COX7B2: variants seen among roughly 807,000 people sequenced by gnomAD.
The protein encoded by COX7B2 is cytochrome c oxidase subunit 7B2, mitochondrial.
For synonymous variants in COX7B2, 37 were observed against 32.1 expected (o/e 1.15, Z -0.51); for missense variants, 109 against 95.9 (o/e 1.14, Z -0.57).
chr4:46,779,359 T>C (rs1426088318), intron 2 of COX7B2, among the ~76,000 whole-genome samples: 1 of 152,196 alleles, frequency 6.6e-6, no homozygotes, highest in Admixed American at 6.5e-5. Flanking sequence ...GATTTCCTTT[T>C]TCTAAGGTTG....
At chr4:46,791,722 G>T (rs1560383334) in intron 2 of COX7B2, among the ~76,000 whole-genome samples, 1 of 152,142 alleles carries the variant, frequency 6.6e-6, no homozygotes, top group African/African-American at 2.4e-5. Flanking sequence ...AACAAGTTTT[G>T]AAGTTCCTCT....
At chr4:46,854,697 G>A (rs575364945) in intron 1 of COX7B2, among the ~76,000 whole-genome samples, 1 of 152,162 alleles carries the variant, frequency 6.6e-6, no homozygotes, top group African/African-American at 2.4e-5. Context: ...GTTTATTACA[G>A]AATATTTATA....
intron 1 of COX7B2, among the ~76,000 whole-genome samples, chr4:46,866,973 A>G (rs191214931): frequency 8.5e-5 from 13 of 152,294 alleles, no homozygotes; most frequent in Admixed American, 7.8e-4. Flanking sequence ...AAAGTGCCCT[A>G]TCAAATCTCA....
chr4:46,763,980 C>A (rs1402523954), intron 2 of COX7B2, among the ~76,000 whole-genome samples: 1 of 152,100 alleles, frequency 6.6e-6, no homozygotes, highest in African/African-American at 2.4e-5. Context: ...AATGTTAGGG[C>A]AGTCAGGAAG....
chr4:46,907,146 A>G (rs1208012620), intron 1 of COX7B2, among the ~76,000 whole-genome samples: 1 of 152,096 alleles, frequency 6.6e-6, no homozygotes, highest in African/African-American at 2.4e-5. Context: ...CCTTATCTCA[A>G]TCAAGTAACA....
At chr4:46,787,367 A>C (rs1258743943) in intron 2 of COX7B2, among the ~76,000 whole-genome samples, 1 of 152,078 alleles carries the variant, frequency 6.6e-6, no homozygotes, top group African/African-American at 2.4e-5. Flanking sequence ...GAAACGCTTG[A>C]ACCCGGGAGG....
intron 2 of COX7B2, among the ~76,000 whole-genome samples, chr4:46,750,575 A>C (rs1265338114): frequency 6.6e-6 from 1 of 152,188 alleles, no homozygotes; most frequent in Non-Finnish European, 1.5e-5. Context: ...TCAGGACAGA[A>C]TACCACTCAA....
intron 1 of COX7B2, among the ~76,000 whole-genome samples, chr4:46,880,013 G>A (rs956115617): frequency 2.0e-5 from 3 of 152,088 alleles, no homozygotes; most frequent in African/African-American, 7.2e-5. Context: ...TGGTGAGAGA[G>A]GGCATCCTTG....
At chr4:46,753,433 G>C (rs975669115) in intron 2 of COX7B2, among the ~76,000 whole-genome samples, 1 of 151,802 alleles carries the variant, frequency 6.6e-6, no homozygotes, top group African/African-American at 2.4e-5. Context: ...TCTGATCTTT[G>C]ACAAACCTGA....
chr4:46,908,816 T>C (rs1055756480), intron 1 of COX7B2, among the ~76,000 whole-genome samples: 21 of 141,154 alleles, frequency 1.5e-4, no homozygotes, highest in African/African-American at 5.1e-4. Flanking sequence ...CCGAGGCGGG[T>C]GGATCACGAG....
intron 1 of COX7B2, among the ~76,000 whole-genome samples, chr4:46,900,730 G>A (rs1010472592): frequency 5.3e-5 from 8 of 152,078 alleles, no homozygotes; most frequent in African/African-American, 1.9e-4. Context: ...GCCCAATGAA[G>A]CTTGTTTGTC....
rs78452161 is a variant in COX7B2 at position 46,841,940 on chromosome 4, T to G, written c.-50+3020A>C. On this transcript the variant is annotated intron_variant, in intron 2 of 2. Coordinates refer to ENST00000355591, the MANE Select transcript of COX7B2 (RefSeq NM_130902.3). ...AATGCAAGTAATTAGACACTTAAAT[T>G]GAATGGCAATGCACATCAAACTTAT... is the stretch of plus-strand genomic sequence containing the variant. 5.4e-3 allele frequency among the ~76,000 whole-genome samples: 828 copies of G among 152,072 alleles called. 7 individuals carry two copies. Among genetic ancestry groups the G allele is most frequent in the African/African-American group, 0.019 (769 of 41,494 alleles).
chr4:46,765,619 G>A (rs1288314681), intron 2 of COX7B2, among the ~76,000 whole-genome samples: 1 of 152,024 alleles, frequency 6.6e-6, no homozygotes, highest in Admixed American at 6.5e-5. Context: ...TTCCAGACTG[G>A]CTCCTGTGGT....
At chr4:46,836,591 TTA>T (rs1491462204) in intron 2 of COX7B2, among the ~76,000 whole-genome samples, 1 of 150,420 alleles carries the variant, frequency 6.6e-6, no homozygotes, top group African/African-American at 2.4e-5. Flanking sequence ...CAGTTAAATT[TTA>T]AAAAAAAAAA....
At chr4:46,832,072 A>G (rs1254953544) in intron 2 of COX7B2, among the ~76,000 whole-genome samples, 1 of 152,190 alleles carries the variant, frequency 6.6e-6, no homozygotes, top group East Asian at 1.9e-4. Flanking sequence ...GGGGCCAGAT[A>G]AGAGAATAAA....
intron 1 of COX7B2, among the ~76,000 whole-genome samples, chr4:46,886,481 A>G (rs1251816679): frequency 2.0e-5 from 3 of 152,168 alleles, no homozygotes; most frequent in Non-Finnish European, 2.9e-5. Context: ...ACTATCGAAT[A>G]CAAGAACTTA....
chr4:46,736,965 G>T (rs747784250), intron 2 of COX7B2, among the ~76,000 whole-genome samples: 3 of 152,078 alleles, frequency 2.0e-5, no homozygotes, highest in Non-Finnish European at 4.4e-5. Context: ...AACTAATTTA[G>T]GTAAATCAAG....
chr4:46,878,205 A>C (rs924994393), intron 1 of COX7B2, among the ~76,000 whole-genome samples: 1 of 152,108 alleles, frequency 6.6e-6, no homozygotes, highest in African/African-American at 2.4e-5. Flanking sequence ...AAATTGATCA[A>C]AGTCATAGAA....
chr4:46,793,735 C>A (rs1273386037), intron 2 of COX7B2, among the ~76,000 whole-genome samples: 1 of 152,142 alleles, frequency 6.6e-6, no homozygotes, highest in Non-Finnish European at 1.5e-5. Flanking sequence ...TGACTGATTA[C>A]AATGCAAGTT....
Sources: allele counts gnomAD v4.1 joint callset (sites outside exome capture counted in the v4.1 genomes callset), GRCh38; gene constraint gnomAD v4.1.1; transcripts MANE v1.5; gene names NCBI Gene and HGNC (gene_info 2026-07-23, HGNC 2026-07-21).